EPB41L3: variants seen among roughly 807,000 people sequenced by gnomAD.
EPB41L3 encodes the protein band 4.1-like protein 3.
EPB41L3 carries 57 observed loss-of-function variants against 127.1 expected under a neutral mutation model. The ratio of observed to expected loss-of-function variants is 0.45; its 90% CI spans 0.36 to 0.56. The LOEUF (loss-of-function observed/expected upper bound fraction) is 0.56, where lower values mean the gene tolerates loss of function less well. Among genes scored for constraint, EPB41L3 ranks in the 20% least tolerant of loss-of-function variants. The pLI is 0.00. For synonymous variants in EPB41L3, 572 were observed against 549.5 expected (o/e 1.04, Z -0.57); for missense variants, 1,273 against 1,372.2 (o/e 0.93, Z 1.14).
chr18:5,394,968 G>C, intron 21 of EPB41L3, 99 bp downstream of exon 21: 1 of 1,303,750 alleles, frequency 7.7e-7, no homozygotes, highest in Non-Finnish European at 1.1e-6. Context: ...AATTTTCTTC[G>C]GAATACATGC....
chr18:5,489,253 G>A (rs1290583829), intron 1 of EPB41L3, 59 bp from the exon 2 acceptor site: 1 of 1,534,322 alleles, frequency 6.5e-7, no homozygotes, highest in Admixed American at 2.4e-5. Context: ...CCCTCTGCAA[G>A]AAAACTAGGA....
chr18:5,570,941 T>C (rs2094271851), intron 3 of EPB41L3: 1 of 152,256 alleles, frequency 6.6e-6, no homozygotes, highest in Non-Finnish European at 1.5e-5. Context: ...GTTTTCATTG[T>C]ATCAAATGTC....
At chr18:5,446,066 C>A (rs1021806516) in intron 3 of EPB41L3, among the ~76,000 whole-genome samples, 9 of 152,174 alleles carry the variant, frequency 5.9e-5, no homozygotes, top group African/African-American at 2.2e-4. Flanking sequence ...TAGGCAGACT[C>A]TCACTTAAAA....
intron 9 of EPB41L3, among the ~76,000 whole-genome samples, chr18:5,425,434 G>A (rs189911903): frequency 6.6e-6 from 1 of 152,078 alleles, no homozygotes; most frequent in African/African-American, 2.4e-5. Flanking sequence ...TGTGGCTTGT[G>A]ACTAAATCAT....
At position 5,457,670 on chromosome 18, in the gene EPB41L3, C is replaced by T. The variant is rs540389161; in HGVS notation, c.382-12426G>A. Among the ~76,000 whole-genome samples the T allele has an allele frequency of 7.2e-5, 11 of 152,204 alleles. No individual in the cohort carries two copies. The South Asian group carries it at 2.3e-3, about 32-fold the overall frequency. Reference sequence around the variant, plus strand: ...CAGCAAAAGCCTAACTGTGGAAAGACCCTGCAGGGGCCTCCCAGGCTTGCC... The same window carrying T: ...CAGCAAAAGCCTAACTGTGGAAAGATCCTGCAGGGGCCTCCCAGGCTTGCC... On this transcript the variant is annotated intron_variant, in intron 3 of 22. Transcript: ENST00000341928.
chr18:5,580,292 CACAG>C (rs2094380360), intron 3 of EPB41L3, among the ~76,000 whole-genome samples: 1 of 152,068 alleles, frequency 6.6e-6, no homozygotes, highest in South Asian at 2.1e-4. Flanking sequence ...CACTCAAGCA[CACAG>C]ACACACACCC....
At chr18:5,457,151 A>T (rs1475173401) in intron 3 of EPB41L3, among the ~76,000 whole-genome samples, 1 of 73,960 alleles carries the variant, frequency 1.4e-5, no homozygotes, top group Non-Finnish European at 3.7e-5. Context: ...CATGGCTTCA[A>T]GATAGGTACA....
chr18:5,403,434 C>A (rs2074832601), intron 16 of EPB41L3, among the ~76,000 whole-genome samples: 1 of 151,898 alleles, frequency 6.6e-6, no homozygotes, highest in African/African-American at 2.4e-5. Context: ...CTATAATTTT[C>A]TTTGAATTGT....
chr18:5,600,026 C>T (rs566293152), intron 3 of EPB41L3, among the ~76,000 whole-genome samples: 1 of 152,256 alleles, frequency 6.6e-6, no homozygotes, highest in African/African-American at 2.4e-5. Flanking sequence ...TAGTACACTC[C>T]ACTTAGTGGC....
chr18:5,437,367 C>T (rs1362200347), intron 6 of EPB41L3, among the ~76,000 whole-genome samples: 1 of 152,140 alleles, frequency 6.6e-6, no homozygotes, highest in Admixed American at 6.5e-5. Context: ...CCTGCGGGCA[C>T]CCTGATCTCA....
chr18:5,544,687 A>AT (rs2093845552), upstream of EPB41L3, among the ~76,000 whole-genome samples: 1 of 152,228 alleles, frequency 6.6e-6, no homozygotes, highest in African/African-American at 2.4e-5. Flanking sequence ...TTTAAGAAAT[A>AT]TTTTTATGGG....
chr18:5,512,447 C>T (rs532842362), intron 1 of EPB41L3, among the ~76,000 whole-genome samples: 106 of 152,018 alleles, frequency 7.0e-4, no homozygotes, highest in African/African-American at 2.4e-3. Context: ...ACAGGAGGCT[C>T]AAGAGGTCAC....
chr18:5,500,413 G>C (rs2091638451), intron 1 of EPB41L3, among the ~76,000 whole-genome samples: 1 of 152,140 alleles, frequency 6.6e-6, no homozygotes, highest in Non-Finnish European at 1.5e-5. Flanking sequence ...TCTTTGTACA[G>C]TCATCCACCA....
intron 1 of EPB41L3, among the ~76,000 whole-genome samples, chr18:5,523,831 G>A (rs1261031707): frequency 1.3e-5 from 2 of 151,846 alleles, no homozygotes; most frequent in African/African-American, 4.8e-5. Flanking sequence ...TTTGAGAACT[G>A]TCCAAGATCA....
rs75491045 is a variant in EPB41L3 at position 5,500,428 on chromosome 18, A to G, written c.-11-11234T>C. Among the ~76,000 whole-genome samples the G allele has an allele frequency of 9.7e-3, 1,482 of 152,296 alleles. 21 individuals carry two copies. Among genetic ancestry groups the G allele is most frequent in the African/African-American group, 0.034 (1,403 of 41,560 alleles). Reference sequence around the variant, plus strand: ...TCTTTGTACAGTCATCCACCACCAAATAAGAGCTCTCCAACTCCTTCTGAA... The same window carrying G: ...TCTTTGTACAGTCATCCACCACCAAGTAAGAGCTCTCCAACTCCTTCTGAA... On this transcript the variant is annotated intron_variant, in intron 1 of 22. Coordinates refer to ENST00000341928, the MANE Select transcript of EPB41L3 (RefSeq NM_012307.5).
rs367855125 is a variant in EPB41L3, at chr18:5,525,886, T to C, written c.-12+18027A>G. 4.6e-5 allele frequency among the ~76,000 whole-genome samples: 7 copies of C among 152,294 alleles called. No homozygotes were observed. The South Asian group carries it at 1.2e-3, about 27-fold the overall frequency. ...AATTGCAGGAACCCTTGTACTTCCA[T>C]CTGAGAAGATGTCTTCTATTGGAGA... is the stretch of plus-strand genomic sequence containing the variant. On this transcript the variant is annotated intron_variant, in intron 1 of 22. Transcript: ENST00000341928.
chr18:5,627,685 T>A (rs1056387875), intron 1 of EPB41L3, among the ~76,000 whole-genome samples: 1 of 152,202 alleles, frequency 6.6e-6, no homozygotes, highest in African/African-American at 2.4e-5. Context: ...TACACAAACA[T>A]TTGTTGAACA....
In EPB41L3 at chr18:5,460,058, T is replaced by C. The variant is rs552504665; in HGVS notation, c.382-14814A>G. Among the ~76,000 whole-genome samples the C allele has an allele frequency of 1.2e-4, 19 of 152,332 alleles. No homozygotes were observed. The South Asian group carries it at 3.9e-3, about 32-fold the overall frequency. On this transcript the variant is annotated intron_variant, in intron 3 of 22. Coordinates refer to ENST00000341928, the MANE Select transcript of EPB41L3 (RefSeq NM_012307.5). ...TTTCAGTCCTTTCCCTGCTCCTCTC[T>C]CCCTCATTTTGGAGTTTCCAGTGTC...
At chr18:5,552,684 G>T (rs2093982281) in intron 3 of EPB41L3, among the ~76,000 whole-genome samples, 1 of 152,140 alleles carries the variant, frequency 6.6e-6, no homozygotes, top group Admixed American at 6.5e-5. Context: ...CATTTATCTT[G>T]TATGAGGAAC....
Sources: gnomAD v4.1 joint callset for allele counts (sites outside exome capture counted in the v4.1 genomes callset) on GRCh38, gnomAD v4.1.1 for gene constraint, MANE v1.5 for transcripts, NCBI Gene and HGNC (gene_info 2026-07-23, HGNC 2026-07-21) for gene names.